SLC16A12: variants seen among roughly 807,000 people sequenced by gnomAD.
The protein encoded by SLC16A12 is monocarboxylate transporter 12.
SLC16A12 carries 17 observed loss-of-function variants against 42.4 expected under a neutral mutation model. The ratio of observed to expected loss-of-function variants is 0.40; its 90% confidence interval spans 0.27 to 0.60. SLC16A12 has a LOEUF of 0.60. Among genes scored for constraint, SLC16A12 ranks in the 20% least tolerant of loss-of-function variants. SLC16A12 has a pLI of 0.42. For missense variants in SLC16A12, 544 were observed against 623.0 expected (o/e 0.87, Z 1.35); for synonymous variants, 224 against 229.4 (o/e 0.98, Z 0.21).
intron 2 of SLC16A12, among the ~76,000 whole-genome samples, chr10:89,534,190 A>T (rs1843607920): frequency 6.6e-6 from 1 of 152,234 alleles, no homozygotes; most frequent in Non-Finnish European, 1.5e-5. Context: ...TTTCTTCAGC[A>T]AACATCCGGT....
At chr10:89,455,246 T>A (rs1842169490) in intron 3 of SLC16A12, among the ~76,000 whole-genome samples, 1 of 152,044 alleles carries the variant, frequency 6.6e-6, no homozygotes, top group Non-Finnish European at 1.5e-5. Context: ...CCCCAGATGA[T>A]GATATTTTCA....
chr10:89,508,024 A>G (rs1292790193), intron 2 of SLC16A12, among the ~76,000 whole-genome samples: 1 of 152,172 alleles, frequency 6.6e-6, no homozygotes, highest in Admixed American at 6.6e-5. Context: ...ACAAGAAGAG[A>G]TAACTATCCT....
rs552369892 is a variant in SLC16A12 at position 89,435,367 on chromosome 10, C to T, written c.1288+693G>A. ...ATCCTTGACTTCTTTCTCTCATTCA[C>T]CTCTGTATGCTAAATTCTGCTGAAT... is the stretch of plus-strand genomic sequence containing the variant. On this transcript the variant is annotated intron_variant, in intron 7 of 7. Coordinates refer to ENST00000371790, the MANE Select transcript of SLC16A12 (RefSeq NM_213606.4). 3.3e-5 allele frequency among the ~76,000 whole-genome samples: 5 copies of T among 152,286 alleles called. No individual in the cohort carries two copies. In the South Asian group the frequency reaches 1.0e-3, roughly 32 times the overall value.
intron 2 of SLC16A12, among the ~76,000 whole-genome samples, chr10:89,483,766 AAC>A (rs1376507895): frequency 1.3e-5 from 2 of 151,666 alleles, no homozygotes; most frequent in African/African-American, 4.9e-5. Context: ...AAAAAAAAAA[AAC>A]GGAAGAAGAA....
chr10:89,448,708 G>A (rs1842043443), intron 3 of SLC16A12, among the ~76,000 whole-genome samples: 1 of 152,132 alleles, frequency 6.6e-6, no homozygotes, highest in Non-Finnish European at 1.5e-5. Context: ...AGACAGGGAC[G>A]CCCTCTCTCA....
upstream of SLC16A12, among the ~76,000 whole-genome samples, chr10:89,540,336 C>T (rs913857683): frequency 1.8e-4 from 28 of 151,990 alleles, no homozygotes; most frequent in Non-Finnish European, 1.0e-4. Context: ...TGGGCTCAAG[C>T]GATCCTCCCG....
intron 6 of SLC16A12, 23 bp from the exon 7 acceptor site, chr10:89,436,342 T>A (rs776472710): frequency 1.2e-6 from 2 of 1,613,828 alleles, no homozygotes; most frequent in South Asian, 2.2e-5. Context: ...AGAACAAGAA[T>A]AAGTGCAGGA....
intron 2 of SLC16A12, among the ~76,000 whole-genome samples, chr10:89,525,082 G>A (rs1392713114): frequency 1.3e-5 from 2 of 152,108 alleles, no homozygotes; most frequent in Admixed American, 1.3e-4. Context: ...TTCCCTGGGC[G>A]TGGCGCCGTG....
At chr10:89,492,027 T>A (rs891653620) in intron 2 of SLC16A12, among the ~76,000 whole-genome samples, 1 of 152,152 alleles carries the variant, frequency 6.6e-6, no homozygotes, top group Non-Finnish European at 1.5e-5. Flanking sequence ...AAAGTTTAGA[T>A]CAATTCATGG....
In SLC16A12 at chr10:89,478,623, C is replaced by T. The variant is rs184466260; in HGVS notation, c.-46-15999G>A. Among the ~76,000 whole-genome samples the T allele has an allele frequency of 1.8e-3, 275 of 152,348 alleles. 1 individual carries two copies. The highest frequency in any genetic ancestry group is 6.3e-3 in the African/African-American group (263 of 41,584). On this transcript the variant is annotated intron_variant, in intron 2 of 7. Transcript: ENST00000371790. ...TCTGTGAAACCAACTTCCTCTTTCA[C>T]TGCTCAGACTTAAGCATTCCCTTAG...
At chr10:89,454,641 A>C (rs1430646790) in intron 3 of SLC16A12, among the ~76,000 whole-genome samples, 1 of 150,502 alleles carries the variant, frequency 6.6e-6, no homozygotes, top group Non-Finnish European at 1.5e-5. Flanking sequence ...AATATCTTTG[A>C]GCCTTCACTT....
intron 2 of SLC16A12, among the ~76,000 whole-genome samples, chr10:89,503,007 A>T (rs1481093350): frequency 1.3e-5 from 2 of 152,230 alleles, no homozygotes; most frequent in East Asian, 3.8e-4. Context: ...CCTATTTGGT[A>T]ATAAGTACCT....
In SLC16A12 at chr10:89,431,993, C is replaced by T. The variant is rs532774325; in HGVS notation, c.*1071G>A. ...TATCTCTAGGATAATATTTTTCAGA[C>T]AACTGACTCCCTCCAATCCTCTTTT... On this transcript the variant is annotated 3_prime_UTR_variant, in exon 8 of 8. Coordinates refer to ENST00000371790, the MANE Select transcript of SLC16A12 (RefSeq NM_213606.4). 39 of 152,584 alleles carry T rather than the reference C, an allele frequency of 2.6e-4. 1 individual carries two copies. Among genetic ancestry groups the T allele is most frequent in the African/African-American group, 8.9e-4 (37 of 41,570 alleles). The allele number at this position is 152,584 out of a possible 1,614,324, so 9.5% of individuals were successfully genotyped here.
intron 2 of SLC16A12, among the ~76,000 whole-genome samples, chr10:89,499,549 T>G (rs753974947): frequency 6.6e-6 from 1 of 152,176 alleles, no homozygotes; most frequent in Non-Finnish European, 1.5e-5. Context: ...TCCTGAATGA[T>G]CATCAGGTCA....
intron 2 of SLC16A12, among the ~76,000 whole-genome samples, chr10:89,472,264 C>G (rs183552951): frequency 6.8e-6 from 1 of 147,564 alleles, no homozygotes; most frequent in Non-Finnish European, 1.5e-5. Context: ...AGATTCAACA[C>G]AACATGTGCA....
chr10:89,458,341 T>A (rs58144924), intron 3 of SLC16A12, among the ~76,000 whole-genome samples: 100 of 152,302 alleles, frequency 6.6e-4, no homozygotes, highest in African/African-American at 2.3e-3. Flanking sequence ...TCTTCATGGT[T>A]CTTCCACAGA....
rs1220209851 is a variant in SLC16A12, at chr10:89,486,601, AAAAAAG to A, written c.-46-23983_-46-23978del. 9.6e-4 allele frequency among the ~76,000 whole-genome samples: 126 copies of A among 130,934 alleles called. 2 individuals are homozygous for A. The highest frequency in any genetic ancestry group is 6.5e-3 in the Admixed American group (81 of 12,554). 85.9% of individuals were successfully genotyped at this position (130,934 alleles called of 152,430 possible). A position where few individuals can be genotyped will look rare whatever the true frequency, so the allele number is the denominator to read the frequency against. ...AGTGAAACCTTGTCTCAAAAAAAAA[AAAAAAG>A]AAAGAAAGAAAGAAAGAAAGAAAGA... On this transcript the variant is annotated intron_variant, in intron 2 of 7. Coordinates refer to ENST00000371790, the MANE Select transcript of SLC16A12 (RefSeq NM_213606.4).
At chr10:89,447,319 A>G (rs993137993) in intron 3 of SLC16A12, among the ~76,000 whole-genome samples, 2 of 152,216 alleles carry the variant, frequency 1.3e-5, no homozygotes, top group Admixed American at 1.3e-4. Context: ...TCTCAGTACC[A>G]CATCACACTT....
chr10:89,462,899 T>C (rs1842326575), intron 2 of SLC16A12: 2 of 278,878 alleles, frequency 7.2e-6, no homozygotes, highest in Non-Finnish European at 1.3e-5. Context: ...CAATAAAGTG[T>C]AGTCTCCATG....
Sources: gnomAD v4.1 joint callset for allele counts (sites outside exome capture counted in the v4.1 genomes callset) on GRCh38, gnomAD v4.1.1 for gene constraint, MANE v1.5 for transcripts, NCBI Gene and HGNC (gene_info 2026-07-23, HGNC 2026-07-21) for gene names.